Variants in SFMBT2 observed in about 807,000 individuals in gnomAD.
SFMBT2 encodes the protein scm-like with four MBT domains protein 2.
SFMBT2 carries 38 observed loss-of-function variants against 110.1 expected under a neutral mutation model. The observed-to-expected ratio is 0.35, with a 90% confidence interval of 0.27 to 0.45. The LOEUF (loss-of-function observed/expected upper bound fraction) is 0.45. SFMBT2 is among the 20% of genes least tolerant of loss of function. The probability of loss-of-function intolerance (pLI) is 1.00; values close to 1 mark genes in which losing one functional copy is unlikely to be tolerated. For synonymous variants in SFMBT2, 425 were observed against 425.4 expected (o/e 1.00, Z 0.01); for missense variants, 1,011 against 1,094.9 (o/e 0.92, Z 1.08).
chr10:7,358,224 T>TGCCCTAGAACACCTGCATG (rs1564456661), intron 4 of SFMBT2, among the ~76,000 whole-genome samples: 3 of 109,662 alleles, frequency 2.7e-5, no homozygotes, highest in Non-Finnish European at 2.1e-5. Flanking sequence ...ATGGAGGCAC[T>TGCCCTAGAACACCTGCATG]GCCCTAGAAC....
At chr10:7,246,041 T>A (rs772647977) in intron 8 of SFMBT2, 9 of 305,566 alleles carry the variant, frequency 2.9e-5, no homozygotes, top group South Asian at 2.5e-4. Flanking sequence ...CCTCATTACA[T>A]GAAGATGAGT....
At chr10:7,406,993 G>C (rs544636810) in intron 1 of SFMBT2, among the ~76,000 whole-genome samples, 1 of 152,064 alleles carries the variant, frequency 6.6e-6, no homozygotes, top group Admixed American at 6.5e-5. Flanking sequence ...GGCGGGGGGG[G>C]AGGGAAGTGG....
chr10:7,378,686 G>A (rs1278621477), intron 2 of SFMBT2, among the ~76,000 whole-genome samples: 1 of 149,024 alleles, frequency 6.7e-6, no homozygotes, highest in Admixed American at 6.7e-5. Flanking sequence ...GTGGATGGGT[G>A]GATGGTCGGG....
chr10:7,212,613 A>T (rs1480535889), intron 11 of SFMBT2, among the ~76,000 whole-genome samples: 1 of 152,080 alleles, frequency 6.6e-6, no homozygotes, highest in Non-Finnish European at 1.5e-5. Context: ...TGCTAACATG[A>T]CTCTTACACT....
At chr10:7,210,179 G>T (rs1037487797) in intron 11 of SFMBT2, among the ~76,000 whole-genome samples, 1 of 152,080 alleles carries the variant, frequency 6.6e-6, no homozygotes, top group African/African-American at 2.4e-5. Flanking sequence ...AACACACCAC[G>T]GCTCCACCCA....
In SFMBT2 at chr10:7,163,524, G is replaced by C. The variant is rs1588753124; in HGVS notation, c.*246C>G. The C allele has an allele frequency of 2.3e-6, 1 of 427,896 alleles. No individual in the cohort carries two copies. Among genetic ancestry groups the C allele is most frequent in the Non-Finnish European group, 4.2e-6 (1 of 239,008 alleles). 26.5% of individuals were successfully genotyped at this position (427,896 alleles called of 1,614,324 possible). A position where few individuals can be genotyped will look rare whatever the true frequency, so the allele number is the denominator to read the frequency against. The stretch of plus-strand genomic sequence containing the variant: ...AAAACGTGGGTGAGCCAAGAAGCAG[G>C]CCCACGTCTGGCAGGGTCTGATGCA... On this transcript the variant is annotated 3_prime_UTR_variant, in exon 21 of 21. Coordinates refer to ENST00000397167, the MANE Select transcript of SFMBT2 (RefSeq NM_001387889.1). This position sits in a 1 kb window ranked among gnomAD's most constrained non-coding sequence, Gnocchi z 4.8.
intron 16 of SFMBT2, among the ~76,000 whole-genome samples, chr10:7,181,376 A>G (rs910260143): frequency 6.6e-6 from 1 of 152,166 alleles, no homozygotes; most frequent in African/African-American, 2.4e-5. Context: ...AAAAGATGAA[A>G]TCCAAAACAC....
intron 4 of SFMBT2, among the ~76,000 whole-genome samples, chr10:7,326,840 G>A (rs745346527): frequency 2.2e-4 from 33 of 152,050 alleles, no homozygotes; most frequent in Non-Finnish European, 4.0e-4. Flanking sequence ...CAAAGCAACC[G>A]CTCTTTTGCT....
chr10:7,383,059 T>G (rs763020642), intron 1 of SFMBT2, among the ~76,000 whole-genome samples: 1 of 152,108 alleles, frequency 6.6e-6, no homozygotes, highest in Non-Finnish European at 1.5e-5. Flanking sequence ...ATGTCACACA[T>G]AGAGAGAAGT....
intron 8 of SFMBT2, chr10:7,246,165 A>T: frequency 1.0e-6 from 1 of 985,120 alleles, no homozygotes; most frequent in Non-Finnish European, 1.2e-6. Flanking sequence ...AAACGGCATG[A>T]CTTATTTTAT....
chr10:7,179,414 A>C (rs1313428110), intron 16 of SFMBT2, among the ~76,000 whole-genome samples: 3 of 124,240 alleles, frequency 2.4e-5, no homozygotes, highest in Admixed American at 8.5e-5. Context: ...AAAAAAAAAA[A>C]AACAAAAGAA....
At chr10:7,187,837 A>G (rs1308872361) in intron 16 of SFMBT2, among the ~76,000 whole-genome samples, 2 of 152,236 alleles carry the variant, frequency 1.3e-5, no homozygotes, top group African/African-American at 4.8e-5. Flanking sequence ...CTTTTAAAAA[A>G]ACATCATTTC....
chr10:7,264,509 G>C (rs1310364687), intron 7 of SFMBT2, among the ~76,000 whole-genome samples: 4 of 152,178 alleles, frequency 2.6e-5, no homozygotes, highest in Non-Finnish European at 2.9e-5. Flanking sequence ...TTGGATCCCT[G>C]TAACCTCCAT....
At chr10:7,291,285 T>C (rs1352916872) in intron 4 of SFMBT2, among the ~76,000 whole-genome samples, 13 of 152,246 alleles carry the variant, frequency 8.5e-5, no homozygotes, top group Non-Finnish European at 5.9e-5. Flanking sequence ...GTCCCATCCC[T>C]ATGTGCTAGC....
At chr10:7,188,845 C>A in intron 15 of SFMBT2, 112 bp from the exon 16 acceptor site, 1 of 813,076 alleles carries the variant, frequency 1.2e-6, no homozygotes, top group South Asian at 1.9e-5. Context: ...GCCACTACAC[C>A]CACATGAAGT....
chr10:7,206,011 C>T lies in SFMBT2; in HGVS notation c.1331-83G>A, dbSNP rs1442376213. On this transcript the variant is annotated intron_variant, in intron 11 of 20. Transcript: ENST00000397167. ...GAAGGACAACAATAATAGAGCATCC[C>T]TAACATGGGGAAAAACATTCCTTTA... 20 of 1,546,844 alleles carry T rather than the reference C, an allele frequency of 1.3e-5. No homozygotes were observed. In the South Asian group the frequency reaches 2.3e-4, roughly 18 times the overall value.
chr10:7,323,464 AAAAACC>A (rs1843264810), intron 4 of SFMBT2, among the ~76,000 whole-genome samples: 1 of 115,450 alleles, frequency 8.7e-6, no homozygotes, highest in African/African-American at 3.8e-5. Context: ...AAAAAAAAAA[AAAAACC>A]AAAAAAAAAA....
intron 4 of SFMBT2, among the ~76,000 whole-genome samples, chr10:7,343,341 T>A (rs1383791195): frequency 6.6e-6 from 1 of 152,208 alleles, no homozygotes; most frequent in East Asian, 1.9e-4. Context: ...TGAATAGTGC[T>A]GTGGTGAACA....
At chr10:7,401,582 T>C (rs900556120) in intron 1 of SFMBT2, among the ~76,000 whole-genome samples, 1 of 152,186 alleles carries the variant, frequency 6.6e-6, no homozygotes, top group Non-Finnish European at 1.5e-5. Context: ...AAAGTAAACG[T>C]TGCCCTCTGA....
Sources: gnomAD v4.1 joint callset for allele counts (sites outside exome capture counted in the v4.1 genomes callset) on GRCh38, gnomAD v4.1.1 for gene constraint, Gnocchi (gnomAD v3.1) non-coding constraint, MANE v1.5 for transcripts, NCBI Gene and HGNC (gene_info 2026-07-23, HGNC 2026-07-21) for gene names.